Variants in BTK observed in about 807,000 individuals in gnomAD.
BTK encodes Bruton tyrosine kinase.
In BTK, 5 loss-of-function variants were observed where a neutral mutation model predicts 57.4. The ratio of observed to expected loss-of-function variants is 0.09; its 90% CI spans 0.05 to 0.18. BTK has a LOEUF of 0.18. Among genes scored for constraint, BTK ranks in the 10% least tolerant of loss-of-function variants. The pLI is 1.00. For synonymous variants in BTK, 154 were observed against 174.3 expected (o/e 0.88, Z 0.92); for missense variants, 194 against 501.2 (o/e 0.39, Z 5.85).
chrX:101,356,836 T>G lies in BTK; in HGVS notation c.1297A>C (p.Lys433Gln). 2.5e-6 allele frequency: 3 copies of G among 1,211,773 alleles called. No individual in the cohort carries two copies. The highest frequency in any genetic ancestry group is 3.3e-6 in the Non-Finnish European group (3 of 895,554). Residue 433 changes from lysine (K) to glutamine (Q), a missense_variant, in exon 14 of 19, where the codon AAA becomes CAA. Coordinates refer to ENST00000308731, the MANE Select transcript of BTK (RefSeq NM_000061.3). ...GQYDVAIKMIKEGSMSEDEFI... is the reference protein window; with the variant it reads ...GQYDVAIKMIQEGSMSEDEFI... Reference sequence around the variant, plus strand: ...TCATCTTCAGACATGGAGCCTTCTTTGATCATCTTGATGGCCACGTCGTAC... The same window carrying G: ...TCATCTTCAGACATGGAGCCTTCTTGGATCATCTTGATGGCCACGTCGTAC...
rs1926938925 is a variant in BTK at position 101,368,858 on chromosome X, A to G, written c.391+1140T>C. 3.6e-5 allele frequency among the ~76,000 whole-genome samples: 4 copies of G among 112,174 alleles called. No individual in the cohort carries two copies. The South Asian group carries it at 1.5e-3, about 41-fold the overall frequency. ...GACCAACCAAACTTGCATTCAAGGG[A>G]GTGTACAAGGCTGGTATAGCCAGCC... On this transcript the variant is annotated intron_variant, in intron 5 of 18. Transcript: ENST00000308731.
chrX:101,380,693 A>T (rs964781519), intron 1 of BTK, among the ~76,000 whole-genome samples: 35 of 111,187 alleles, frequency 3.1e-4, no homozygotes, highest in African/African-American at 9.8e-4. Context: ...TCTATAAAAG[A>T]TATATAGTAT....
chrX:101,385,355 A>G (rs1927579332), intron 1 of BTK, among the ~76,000 whole-genome samples: 1 of 112,206 alleles, frequency 8.9e-6, no homozygotes. Flanking sequence ...CATGGAGGGC[A>G]ATGGTAAGAG....
intron 4 of BTK, among the ~76,000 whole-genome samples, chrX:101,371,254 T>C (rs1555980254): frequency 1.8e-5 from 2 of 111,945 alleles, no homozygotes; most frequent in South Asian, 3.7e-4. Context: ...TTCCTAATAC[T>C]ACTCCCCTTT....
rs1926224281 is a variant in BTK at position 101,350,059 on chromosome X, C to A, written c.1909-103G>T. The stretch of plus-strand genomic sequence containing the variant: ...ATGTTTATTAAATATATGCTCTATG[C>A]CCAGTAGCATGCCCTGTCGATTACA... On this transcript the variant is annotated intron_variant, in intron 18 of 18. Coordinates refer to ENST00000308731, the MANE Select transcript of BTK (RefSeq NM_000061.3). The A allele has an allele frequency of 8.9e-6, 5 of 559,898 alleles. No homozygotes were observed. The East Asian group carries it at 1.7e-4, about 19-fold the overall frequency. 46.1% of individuals were successfully genotyped at this position (559,898 alleles called of 1,213,427 possible).
intron 9 of BTK, 45 bp from the exon 10 acceptor site, chrX:101,359,392 G>A (rs1926591397): frequency 1.7e-6 from 2 of 1,162,333 alleles, no homozygotes; most frequent in East Asian, 3.0e-5. Flanking sequence ...GTCATAAGCA[G>A]ATTGGAGGTT....
At chrX:101,376,600 C>T (rs1048256338) in intron 1 of BTK, among the ~76,000 whole-genome samples, 1 of 110,962 alleles carries the variant, frequency 9.0e-6, no homozygotes, top group African/African-American at 3.3e-5. Flanking sequence ...ATACTCCAGT[C>T]GGGGCAACAA....
At chrX:101,388,253 C>T (rs1927683335), upstream of BTK, among the ~76,000 whole-genome samples, 1 of 111,074 alleles carries the variant, frequency 9.0e-6, no homozygotes, top group Non-Finnish European at 1.9e-5. Context: ...AGGTGATAGG[C>T]ATCCAATGGG....
intron 1 of BTK, among the ~76,000 whole-genome samples, chrX:101,385,432 C>T (rs1290338187): frequency 8.9e-6 from 1 of 112,227 alleles, no homozygotes; most frequent in Non-Finnish European, 1.9e-5. Flanking sequence ...GCTGCTTTCT[C>T]CTGGCCCAGT....
At chrX:101,382,496 C>T (rs1364803198) in intron 1 of BTK, among the ~76,000 whole-genome samples, 1 of 110,497 alleles carries the variant, frequency 9.1e-6, no homozygotes, top group Non-Finnish European at 1.9e-5. Flanking sequence ...CTGCCTCGGC[C>T]TCCCAAAATG....
Position 101,358,630 on chromosome X carries a change from C to G in BTK, c.961G>C (p.Ala321Pro). ...KAGKYTVSVF[A>P]KSTGDPQGVI... The stretch of plus-strand genomic sequence containing the variant: ...AGTAGCACTCACCCTGTGGATTTAG[C>G]AAACACAGACACTGTATATTTGCCA... The change falls in exon 11 of 19, where the codon GCT becomes CCT. Residue 321 changes from alanine (A) to proline (P), a missense_variant. Physicochemically the swap from Ala to Pro is conservative, Grantham distance 27 (BLOSUM62 -1). Transcript: ENST00000308731. 1 of 1,210,058 alleles carries G rather than the reference C, an allele frequency of 8.3e-7. No homozygotes were observed. The highest frequency in any genetic ancestry group is 1.1e-6 in the Non-Finnish European group (1 of 894,043).
chrX:101,383,861 A>T (rs1488808772), intron 1 of BTK, among the ~76,000 whole-genome samples: 2 of 111,864 alleles, frequency 1.8e-5, no homozygotes, highest in African/African-American at 6.5e-5. Context: ...TGAAAGTCAC[A>T]CGTGGCCCAA....
intron 17 of BTK, 66 bp from the exon 18 acceptor site, chrX:101,353,417 C>G: frequency 9.5e-7 from 1 of 1,048,316 alleles, no homozygotes; most frequent in Non-Finnish European, 1.3e-6. Flanking sequence ...TCCTAGTCTT[C>G]CTAGATCAAC....
rs148172711 is a variant in BTK, at chrX:101,362,341, G to A, written c.521-101C>T. The stretch of plus-strand genomic sequence containing the variant: ...TTGCCGTCCATATTGAGTGCCTTTA[G>A]GCAAGTTAGAAAAAGTAGCTAGGCA... On this transcript the variant is annotated intron_variant, in intron 6 of 18. Transcript: ENST00000308731. The A allele has an allele frequency of 4.6e-5, 49 of 1,055,934 alleles. No individual in the cohort carries two copies. The African/African-American group carries it at 7.2e-4, about 16-fold the overall frequency. 87.0% of individuals were successfully genotyped at this position (1,055,934 alleles called of 1,213,427 possible).
intron 18 of BTK, among the ~76,000 whole-genome samples, chrX:101,350,430 T>G (rs1477454184): frequency 2.2e-5 from 2 of 91,825 alleles, no homozygotes; most frequent in Non-Finnish European, 4.3e-5. Flanking sequence ...TTTTTACCAC[T>G]GGTAACAAAA....
At chrX:101,383,775 G>A (rs782178439) in intron 1 of BTK, among the ~76,000 whole-genome samples, 46 of 111,473 alleles carry the variant, frequency 4.1e-4, no homozygotes, top group Admixed American at 1.4e-3. Context: ...GGAGAGAAGA[G>A]CCTGGTATTA....
chrX:101,354,804 C>A, intron 15 of BTK, 110 bp from the exon 16 acceptor site: 1 of 710,447 alleles, frequency 1.4e-6, no homozygotes. Flanking sequence ...TCTCCTTCGA[C>A]TACAGACACC....
rs952971939 is a variant in BTK at position 101,359,293 on chromosome X, C to T, written c.894G>A (p.Glu298=). The change falls in exon 10 of 19, where the codon GAG becomes GAA. Residue 298 remains glutamate, a splice_region_variant and synonymous_variant. Transcript: ENST00000308731. Reference sequence around the variant, plus strand: ...TGTGTGCTAGTGGTTCCACACTTACCTCTTGCTTTAGCAGTTGCTCAGCCT... The same window carrying T: ...TGTGTGCTAGTGGTTCCACACTTACTTCTTGCTTTAGCAGTTGCTCAGCCT... ...RSQAEQLLKQ[E]GKEGGFIVRD... 2 of 1,211,301 alleles carry T rather than the reference C, an allele frequency of 1.7e-6. No homozygotes were observed. Among genetic ancestry groups the T allele is most frequent in the Non-Finnish European group, 2.2e-6 (2 of 895,077 alleles).
intron 18 of BTK, among the ~76,000 whole-genome samples, chrX:101,351,787 C>T (rs558468667): frequency 1.7e-4 from 19 of 111,270 alleles, no homozygotes; most frequent in African/African-American, 5.5e-4. Context: ...CCACGATGCA[C>T]CATATTAAAA....
Sources: allele counts gnomAD v4.1 joint callset (sites outside exome capture counted in the v4.1 genomes callset), GRCh38; gene constraint gnomAD v4.1.1; transcripts MANE v1.5; gene names NCBI Gene and HGNC (gene_info 2026-07-23, HGNC 2026-07-21).